The following HELZ variants were observed in gnomAD, a reference collection of about 807,000 sequenced individuals.
The protein encoded by HELZ is helicase with zinc finger.
HELZ carries 23 observed loss-of-function variants against 218.2 expected under a neutral mutation model. The ratio of observed to expected loss-of-function variants is 0.11; its 90% CI spans 0.08 to 0.15. The LOEUF is 0.15. Among genes scored for constraint, HELZ ranks in the 10% least tolerant of loss-of-function variants. HELZ has a pLI of 1.00. For synonymous variants in HELZ, 814 were observed against 829.4 expected, an observed-to-expected ratio of 0.98 and a Z score of 0.32; for missense variants, 1,813 against 2,353.7, an observed-to-expected ratio of 0.77 and a Z score of 4.75.
intron 17 of HELZ, among the ~76,000 whole-genome samples, chr17:67,157,779 G>C (rs2038885681): frequency 6.6e-6 from 1 of 152,112 alleles, no homozygotes; most frequent in Admixed American, 6.6e-5. Flanking sequence ...AAAAGACTAT[G>C]AATAAGAATG....
intron 17 of HELZ, among the ~76,000 whole-genome samples, chr17:67,152,834 GCTGGGAAAGGAGC>G (rs2038729453): frequency 6.6e-6 from 1 of 150,410 alleles, no homozygotes; most frequent in Non-Finnish European, 1.5e-5. Flanking sequence ...ACATTCAGAA[GCTGGGAAAGGAGC>G]CTGGGAAGGA....
Position 67,171,397 on chromosome 17 carries a change from C to T in HELZ, c.1431-3601G>A, listed in dbSNP as rs117658795. Among the ~76,000 whole-genome samples, 1,355 of 152,294 alleles carry T rather than the reference C, an allele frequency of 8.9e-3. 15 individuals carry two copies. The highest frequency in any genetic ancestry group is 0.013 in the Non-Finnish European group (892 of 68,024). ...TTAACAACTTAGAAAATGGCACTGT[C>T]ATCCACGTAGGTATCCAAGCCAACC... On this transcript the variant is annotated intron_variant, in intron 13 of 32. Transcript: ENST00000358691.
At chr17:67,176,357 T>G (rs1278429426) in intron 13 of HELZ, 1 of 152,232 alleles carries the variant, frequency 6.6e-6, no homozygotes, top group Non-Finnish European at 1.5e-5. Flanking sequence ...AATTTCAAGT[T>G]GTATAACATT....
intron 31 of HELZ, among the ~76,000 whole-genome samples, chr17:67,100,790 A>AAG (rs894453516): frequency 3.3e-4 from 50 of 152,134 alleles, no homozygotes; most frequent in African/African-American, 1.2e-3. Flanking sequence ...TTCAAAAAAT[A>AAG]AGAGAGAGAG....
intron 9 of HELZ, 88 bp downstream of exon 9, chr17:67,193,879 T>C: frequency 1.1e-6 from 1 of 935,168 alleles, no homozygotes; most frequent in Non-Finnish European, 1.7e-6. Flanking sequence ...AAATTGAAAA[T>C]AAACCATTTT....
chr17:67,160,233 G>A, intron 17 of HELZ, 28 bp downstream of exon 17: 2 of 1,256,368 alleles, frequency 1.6e-6, no homozygotes, highest in Non-Finnish European at 2.3e-6. Flanking sequence ...GTATGATACA[G>A]ATACATAATA....
chr17:67,161,703 T>G (rs925074122), intron 15 of HELZ, among the ~76,000 whole-genome samples: 2 of 152,186 alleles, frequency 1.3e-5, no homozygotes, highest in Non-Finnish European at 2.9e-5. Flanking sequence ...CACACACAAA[T>G]AATACACATA....
At position 67,160,973 on chromosome 17, in the gene HELZ, T is replaced by G. The variant is rs367964592; in HGVS notation, c.1999A>C (p.Ile667Leu). 58 of 1,613,790 alleles carry G rather than the reference T, an allele frequency of 3.6e-5. No individual in the cohort carries two copies. The highest frequency in any genetic ancestry group is 4.8e-5 in the Non-Finnish European group (57 of 1,179,884). Residue 667 changes from isoleucine to leucine, a missense_variant, in exon 16 of 33, where the codon ATC becomes CTC. Transcript: ENST00000358691. ...LAIQLPPVLI[I>L]GPYGTGKTFT... Reference sequence around the variant, plus strand: ...GTTTTGCCTGTCCCATAGGGTCCGATGATAAGCACAGGCGGCAGCTGGATT... The same window carrying G: ...GTTTTGCCTGTCCCATAGGGTCCGAGGATAAGCACAGGCGGCAGCTGGATT...
At chr17:67,201,458 A>G (rs2040166382) in intron 6 of HELZ, among the ~76,000 whole-genome samples, 1 of 152,226 alleles carries the variant, frequency 6.6e-6, no homozygotes, top group African/African-American at 2.4e-5. Context: ...TCAAGAAAAT[A>G]TTAACAACAG....
intron 27 of HELZ, among the ~76,000 whole-genome samples, chr17:67,119,700 A>C (rs777789867): frequency 6.6e-6 from 1 of 152,206 alleles, no homozygotes; most frequent in East Asian, 1.9e-4. Flanking sequence ...AATAACCTTT[A>C]TATCAACAAT....
In HELZ at chr17:67,160,947, C is replaced by T. The variant is rs374359414; in HGVS notation, c.2025G>A (p.Thr675=). The change falls in exon 16 of 33, where the codon ACG becomes ACA. Residue 675 remains threonine (T), a synonymous_variant. Transcript: ENST00000358691. Reference sequence around the variant, plus strand: ...GTTTGACAGCCTGAGCTAGAGTGAACGTTTTGCCTGTCCCATAGGGTCCGA... The same window carrying T: ...GTTTGACAGCCTGAGCTAGAGTGAATGTTTTGCCTGTCCCATAGGGTCCGA... ...LIIGPYGTGK[T]FTLAQAVKHI... is the part of the protein sequence containing the mutation. 85 of 1,613,374 alleles carry T rather than the reference C, an allele frequency of 5.3e-5. No homozygotes were observed. The African/African-American group carries it at 9.1e-4, about 17-fold the overall frequency.
At chr17:67,138,596 T>C (rs2038224231) in intron 21 of HELZ, among the ~76,000 whole-genome samples, 1 of 152,166 alleles carries the variant, frequency 6.6e-6, no homozygotes, top group African/African-American at 2.4e-5. Context: ...CCTTCCTCAC[T>C]GATATAACTA....
chr17:67,147,812 T>C lies in HELZ; in HGVS notation c.2621+757A>G, dbSNP rs1363488378. Among the ~76,000 whole-genome samples the C allele has an allele frequency of 2.6e-5, 4 of 152,182 alleles. No individual in the cohort carries two copies. In the East Asian group the frequency reaches 7.7e-4, roughly 29 times the overall value. On this transcript the variant is annotated intron_variant, in intron 20 of 32. Coordinates refer to ENST00000358691, the MANE Select transcript of HELZ (RefSeq NM_014877.4). The stretch of plus-strand genomic sequence containing the variant: ...CCCTATACTCTGAGGGAAGGAATGC[T>C]GACATCACAAAGCTTCCATAAAAAC...
chr17:67,152,534 T>C (rs2038716440), intron 17 of HELZ, among the ~76,000 whole-genome samples: 1 of 152,020 alleles, frequency 6.6e-6, no homozygotes, highest in African/African-American at 2.4e-5. Flanking sequence ...CCTTTGAAAC[T>C]GGATAAATGG....
At chr17:67,129,794 T>G (rs1483746637) in intron 23 of HELZ, among the ~76,000 whole-genome samples, 1 of 152,098 alleles carries the variant, frequency 6.6e-6, no homozygotes, top group Non-Finnish European at 1.5e-5. Context: ...AATATTAAAA[T>G]TATTAAATAC....
chr17:67,245,076 T>G, intron 1 of HELZ, 72 bp downstream of exon 1: 1 of 982,986 alleles, frequency 1.0e-6, no homozygotes, highest in Admixed American at 6.2e-5. Flanking sequence ...GGGAGTCGGG[T>G]CCCCTCCCCG....
In HELZ at chr17:67,218,828, G is replaced by A. The variant is rs781236796; in HGVS notation, c.-18-6C>T. On this transcript the variant is annotated splice_region_variant and splice_polypyrimidine_tract_variant and intron_variant, in intron 3 of 32. Transcript: ENST00000358691. ...ATGACTCAGGGACAAAAATCCTACA[G>A]ACAGGGAGAAAGAACAAGAGAAGGT... The A allele has an allele frequency of 6.3e-7, 1 of 1,599,682 alleles. No homozygotes were observed. Among genetic ancestry groups the A allele is most frequent in the South Asian group, 1.1e-5 (1 of 90,666 alleles).
Position 67,075,993 on chromosome 17 carries a change from A to G in HELZ, c.*2259T>C, listed in dbSNP as rs1269071170. The G allele has an allele frequency of 6.6e-6, 1 of 152,450 alleles. No individual in the cohort carries two copies. The highest frequency in any genetic ancestry group is 1.5e-5 in the Non-Finnish European group (1 of 68,034). 9.4% of individuals were successfully genotyped at this position (152,450 alleles called of 1,614,324 possible). A position where few individuals can be genotyped will look rare whatever the true frequency, so the allele number is the denominator to read the frequency against. On this transcript the variant is annotated 3_prime_UTR_variant, in exon 33 of 33. Transcript: ENST00000358691. Reference sequence around the variant, plus strand: ...ATACACGACCCCATGACCCTTAACTAAATATAAATATAAATAATTTAAAAA... The same window carrying G: ...ATACACGACCCCATGACCCTTAACTGAATATAAATATAAATAATTTAAAAA...
intron 5 of HELZ, among the ~76,000 whole-genome samples, chr17:67,207,278 T>C (rs577478557): frequency 7.6e-5 from 10 of 130,810 alleles, no homozygotes; most frequent in South Asian, 5.4e-4. Context: ...TGGAGTGCAG[T>C]GGCATGATTA....
Sources: allele counts gnomAD v4.1 joint callset (sites outside exome capture counted in the v4.1 genomes callset), GRCh38; gene constraint gnomAD v4.1.1; transcripts MANE v1.5; gene names NCBI Gene and HGNC (gene_info 2026-07-23, HGNC 2026-07-21).